The following OSBPL1A variants were observed in gnomAD, a reference collection of about 807,000 sequenced individuals.
OSBPL1A encodes oxysterol-binding protein-related protein 1.
Under a neutral mutation model 137.1 loss-of-function variants are expected in OSBPL1A, and 80 were observed. That is an observed-to-expected ratio of 0.58 (90% confidence interval 0.49 to 0.70). OSBPL1A has a LOEUF of 0.70. Among genes scored for constraint, OSBPL1A ranks in the 30% least tolerant of loss-of-function variants. The pLI is 0.00. For synonymous variants in OSBPL1A, 365 were observed against 389.7 expected (o/e 0.94, Z 0.75); for missense variants, 970 against 1,129.4 (o/e 0.86, Z 2.02).
At position 24,317,108 on chromosome 18, in the gene OSBPL1A, T is replaced by C. The variant is rs113504279; in HGVS notation, c.870+41A>G. ...TTGGGTCAATCACTTGAAGAACTGATTTCACAGTTAGAGGAGCAAATGATC... is the reference window on the plus strand; with the variant it reads ...TTGGGTCAATCACTTGAAGAACTGACTTCACAGTTAGAGGAGCAAATGATC... On this transcript the variant is annotated intron_variant, in intron 11 of 27. Transcript: ENST00000319481. The C allele has an allele frequency of 2.5e-6, 4 of 1,600,102 alleles. No homozygotes were observed. The South Asian group carries it at 4.4e-5, about 18-fold the overall frequency.
chr18:24,280,423 GT>G (rs1432504029), intron 15 of OSBPL1A, among the ~76,000 whole-genome samples: 8 of 152,180 alleles, frequency 5.3e-5, no homozygotes, highest in Admixed American at 4.6e-4. Context: ...CTGTTGAAGG[GT>G]AAGAGAGTGA....
chr18:24,179,012 T>A (rs1244844273), intron 20 of OSBPL1A: 2 of 152,214 alleles, frequency 1.3e-5, no homozygotes, highest in African/African-American at 4.8e-5. Flanking sequence ...TTTATTTATA[T>A]TTTTTAATAA....
chr18:24,298,410 G>A (rs1484891764), intron 14 of OSBPL1A, among the ~76,000 whole-genome samples: 1 of 152,166 alleles, frequency 6.6e-6, no homozygotes, highest in Non-Finnish European at 1.5e-5. Flanking sequence ...GCAGTGGTGC[G>A]ATCTTGGCTC....
At position 24,334,257 on chromosome 18, in the gene OSBPL1A, T is replaced by TC. The variant is rs1352637880; in HGVS notation, c.467_468insG (p.Leu157ThrfsTer12). ...TTGTTTGTTTTACCAGAGCTGTGAG[T>TC]TCTGTTGTTTTGCCTTCTCTTGCTG... is the stretch of plus-strand genomic sequence containing the variant. On this transcript the variant is annotated frameshift_variant, in exon 6 of 28. Coordinates refer to ENST00000319481, the MANE Select transcript of OSBPL1A (RefSeq NM_080597.4). LOFTEE classifies it high-confidence loss of function. The TC allele has an allele frequency of 3.1e-6, 5 of 1,611,280 alleles. No homozygotes were observed. In the African/African-American group the frequency reaches 4.0e-5, roughly 13 times the overall value.
intron 16 of OSBPL1A, among the ~76,000 whole-genome samples, chr18:24,232,780 C>T (rs1470017832): frequency 6.6e-6 from 1 of 152,196 alleles, no homozygotes; most frequent in Non-Finnish European, 1.5e-5. Flanking sequence ...ACCTACCACA[C>T]ATCAGGTAAA....
intron 14 of OSBPL1A, among the ~76,000 whole-genome samples, chr18:24,287,248 C>T (rs565310515): frequency 2.3e-4 from 35 of 152,280 alleles, no homozygotes; most frequent in African/African-American, 8.2e-4. Context: ...ATGGGTTCCC[C>T]ACCTTATGGT....
chr18:24,214,177 G>A (rs1185543737), intron 17 of OSBPL1A, among the ~76,000 whole-genome samples: 3 of 152,202 alleles, frequency 2.0e-5, no homozygotes, highest in African/African-American at 4.8e-5. Context: ...AACAGGTGCT[G>A]GAACAGACGG....
intron 17 of OSBPL1A, among the ~76,000 whole-genome samples, chr18:24,199,359 G>A (rs561135008): frequency 6.6e-6 from 1 of 152,242 alleles, no homozygotes; most frequent in South Asian, 2.1e-4. Flanking sequence ...GATGGCAGGA[G>A]TAATAACATC....
intron 7 of OSBPL1A, among the ~76,000 whole-genome samples, chr18:24,319,966 G>C (rs2090815158): frequency 6.9e-6 from 1 of 144,252 alleles, no homozygotes; most frequent in Middle Eastern, 3.8e-3. Flanking sequence ...GTAATACAGT[G>C]AGACCTTATC....
chr18:24,351,346 T>TCAAAAAAAAAAAAAAAAAAAAAAAA (rs2091435749), intron 4 of OSBPL1A, among the ~76,000 whole-genome samples: 1 of 34,156 alleles, frequency 2.9e-5, no homozygotes, highest in Non-Finnish European at 4.6e-5. Flanking sequence ...AGACTCTGTC[T>TCAAAAAAAAAAAAAAAAAAAAAAAA]CAAAAAAAAA....
intron 18 of OSBPL1A, among the ~76,000 whole-genome samples, chr18:24,187,623 A>G (rs2086784969): frequency 6.6e-6 from 1 of 152,232 alleles, no homozygotes; most frequent in Non-Finnish European, 1.5e-5. Flanking sequence ...GCATCTGTTA[A>G]GTGAGCAATA....
chr18:24,220,870 T>C (rs374170920), intron 17 of OSBPL1A, among the ~76,000 whole-genome samples: 1 of 152,142 alleles, frequency 6.6e-6, no homozygotes, highest in South Asian at 2.1e-4. Flanking sequence ...TGGTGTATAA[T>C]GCCATGATCT....
At chr18:24,272,270 T>TA (rs2089744028) in intron 15 of OSBPL1A, 8 of 973,846 alleles carry the variant, frequency 8.2e-6, no homozygotes, top group South Asian at 4.8e-5. Context: ...TTTTTTTTTT[T>TA]AACCAACCCG....
At chr18:24,188,844 T>G (rs1166586413) in intron 18 of OSBPL1A, among the ~76,000 whole-genome samples, 2 of 152,234 alleles carry the variant, frequency 1.3e-5, no homozygotes, top group Non-Finnish European at 2.9e-5. Context: ...CCTTCCCTCT[T>G]AGACCTCTTG....
intron 4 of OSBPL1A, among the ~76,000 whole-genome samples, chr18:24,356,942 C>T (rs183439682): frequency 6.7e-4 from 102 of 152,184 alleles, no homozygotes; most frequent in African/African-American, 2.4e-3. Flanking sequence ...AAGCAGCAAC[C>T]GATAGGGCAA....
In OSBPL1A at chr18:24,163,020, G is replaced by C. The variant is rs955949124; in HGVS notation, c.*159C>G. ...TCCTAAGACTTTCATCACCAATATCGCCTTATACCCTGCTTTTGTTGGGTG... is the reference window on the plus strand; with the variant it reads ...TCCTAAGACTTTCATCACCAATATCCCCTTATACCCTGCTTTTGTTGGGTG... On this transcript the variant is annotated 3_prime_UTR_variant, in exon 28 of 28. Coordinates refer to ENST00000319481, the MANE Select transcript of OSBPL1A (RefSeq NM_080597.4). 1.3e-5 allele frequency: 7 copies of C among 533,718 alleles called. No individual in the cohort carries two copies. The highest frequency in any genetic ancestry group is 2.3e-5 in the Non-Finnish European group (7 of 304,056). The allele number at this position is 533,718 out of a possible 1,614,324, so 33.1% of individuals were successfully genotyped here.
At chr18:24,313,512 T>C (rs2090664256) in intron 12 of OSBPL1A, among the ~76,000 whole-genome samples, 1 of 152,112 alleles carries the variant, frequency 6.6e-6, no homozygotes. Context: ...CTTGCTGCTG[T>C]TGTTTAATTT....
intron 15 of OSBPL1A, among the ~76,000 whole-genome samples, chr18:24,257,501 T>A (rs993048802): frequency 6.6e-6 from 1 of 152,150 alleles, no homozygotes; most frequent in African/African-American, 2.4e-5. Context: ...AGGACTTAAA[T>A]CTAAGACCTC....
intron 4 of OSBPL1A, among the ~76,000 whole-genome samples, chr18:24,343,498 A>G (rs1389255547): frequency 6.6e-6 from 1 of 152,188 alleles, no homozygotes; most frequent in Admixed American, 6.5e-5. Flanking sequence ...TGGAATTTCA[A>G]GGGACCCCAA....
Sources: gnomAD v4.1 joint callset for allele counts (sites outside exome capture counted in the v4.1 genomes callset) on GRCh38, gnomAD v4.1.1 for gene constraint, MANE v1.5 for transcripts, NCBI Gene and HGNC (gene_info 2026-07-23, HGNC 2026-07-21) for gene names.